ZFPM2: variants seen among roughly 807,000 people sequenced by gnomAD.
ZFPM2 encodes the protein zinc finger protein, FOG family member 2, also known as zinc finger protein ZFPM2.
ZFPM2 carries 20 observed loss-of-function variants against 98.6 expected under a neutral mutation model. The observed-to-expected ratio is 0.20, with a 90% CI of 0.14 to 0.29. The LOEUF is 0.29. Among genes scored for constraint, ZFPM2 ranks in the 10% least tolerant of loss-of-function variants. The pLI is 1.00. For synonymous variants in ZFPM2, 518 were observed against 502.7 expected (o/e 1.03, Z -0.41); for missense variants, 1,310 against 1,388.6 (o/e 0.94, Z 0.90).
intron 5 of ZFPM2, among the ~76,000 whole-genome samples, chr8:105,674,516 G>T (rs1446157307): frequency 6.6e-6 from 1 of 152,156 alleles, no homozygotes; most frequent in Non-Finnish European, 1.5e-5. Context: ...ATCACAATGG[G>T]TTGGTTTGCA....
chr8:105,408,658 A>G (rs1811515650), intron 1 of ZFPM2, among the ~76,000 whole-genome samples: 1 of 151,902 alleles, frequency 6.6e-6, no homozygotes, highest in East Asian at 1.9e-4. Context: ...CGGGATCTAC[A>G]ACAATGCTTT....
chr8:105,793,491 C>G (rs566836441), intron 6 of ZFPM2, among the ~76,000 whole-genome samples: 20 of 152,116 alleles, frequency 1.3e-4, no homozygotes, highest in Non-Finnish European at 1.5e-4. Context: ...GTGGGTAACC[C>G]GTCCTTTCTC....
chr8:105,319,002 G>A, intron 1 of ZFPM2, 21 bp downstream of exon 1: 3 of 1,495,936 alleles, frequency 2.0e-6, no homozygotes, highest in Admixed American at 2.1e-5. Flanking sequence ...GCGCGGGGCC[G>A]GGAGTTGGTG....
At chr8:105,358,255 A>ATTT (rs71577973) in intron 1 of ZFPM2, among the ~76,000 whole-genome samples, 3 of 142,926 alleles carry the variant, frequency 2.1e-5, no homozygotes, top group Non-Finnish European at 3.1e-5. Context: ...CCCAAGATTC[A>ATTT]TTTTTTTTTT....
chr8:105,692,155 G>T (rs1174388258), intron 5 of ZFPM2, among the ~76,000 whole-genome samples: 1 of 152,134 alleles, frequency 6.6e-6, no homozygotes, highest in Non-Finnish European at 1.5e-5. Context: ...TTTGGACCTG[G>T]TTTATAAGGT....
chr8:105,681,616 A>C (rs531316178), intron 5 of ZFPM2, among the ~76,000 whole-genome samples: 1 of 152,308 alleles, frequency 6.6e-6, no homozygotes, highest in East Asian at 1.9e-4. Context: ...TAGGAAGAGT[A>C]ATAACTACCT....
At chr8:105,692,964 G>A (rs1417461391) in intron 5 of ZFPM2, among the ~76,000 whole-genome samples, 4 of 152,168 alleles carry the variant, frequency 2.6e-5, no homozygotes, top group Admixed American at 2.6e-4. Context: ...AGAAAGTATG[G>A]GAGTGTGCAG....
chr8:105,337,913 CTT>C (rs1452040074), intron 1 of ZFPM2, among the ~76,000 whole-genome samples: 8 of 151,578 alleles, frequency 5.3e-5, no homozygotes, highest in Non-Finnish European at 1.0e-4. Flanking sequence ...TGTAAATGTT[CTT>C]CAGTTATAAG....
chr8:105,483,797 G>A (rs1447156595), intron 3 of ZFPM2, among the ~76,000 whole-genome samples: 1 of 148,534 alleles, frequency 6.7e-6, no homozygotes. Flanking sequence ...CCAGTGGCGC[G>A]ATCTTGGCTC....
chr8:105,522,495 G>A (rs1814084960), intron 3 of ZFPM2, among the ~76,000 whole-genome samples: 1 of 152,132 alleles, frequency 6.6e-6, no homozygotes, highest in Non-Finnish European at 1.5e-5. Flanking sequence ...TTTATGGCTG[G>A]GCGCGGTGGC....
intron 5 of ZFPM2, among the ~76,000 whole-genome samples, chr8:105,650,088 G>A (rs7824998): frequency 1.3e-4 from 19 of 151,822 alleles, no homozygotes; most frequent in African/African-American, 3.6e-4. Context: ...CAACTTCTCC[G>A]AAGACTAAAG....
chr8:105,396,911 T>C (rs1373162959), intron 1 of ZFPM2, among the ~76,000 whole-genome samples: 1 of 152,222 alleles, frequency 6.6e-6, no homozygotes, highest in Non-Finnish European at 1.5e-5. Context: ...ATGCGACTTT[T>C]ATATATTGCC....
rs1259752590 is a variant in ZFPM2 at position 105,318,487 on chromosome 8, C to A, written c.-455C>A. 8.7e-5 allele frequency among the ~76,000 whole-genome samples: 13 copies of A among 149,848 alleles called. No homozygotes were observed. Among genetic ancestry groups the A allele is most frequent in the Non-Finnish European group, 1.2e-4 (8 of 67,180 alleles). On this transcript the variant is annotated 5_prime_UTR_variant, in exon 1 of 8. Transcript: ENST00000407775. ...GCGGCGGCGGCGGCGCCGGAGTATCCGTCCCGCACGCCGGGGCGAGGGGCG... is the reference window on the plus strand; with the variant it reads ...GCGGCGGCGGCGGCGCCGGAGTATCAGTCCCGCACGCCGGGGCGAGGGGCG...
intron 3 of ZFPM2, among the ~76,000 whole-genome samples, chr8:105,470,710 G>C (rs774706174): frequency 5.9e-5 from 9 of 151,942 alleles, no homozygotes; most frequent in Non-Finnish European, 8.8e-5. Flanking sequence ...TGCAGGAGGT[G>C]GAGGTTGCAG....
chr8:105,339,015 C>T (rs1454378845), intron 1 of ZFPM2, among the ~76,000 whole-genome samples: 2 of 151,730 alleles, frequency 1.3e-5, no homozygotes, highest in East Asian at 3.9e-4. Flanking sequence ...GAACCTCAGG[C>T]TTTCTAAGTG....
intron 5 of ZFPM2, among the ~76,000 whole-genome samples, chr8:105,653,462 A>G (rs527775848): frequency 2.3e-4 from 35 of 152,338 alleles, no homozygotes; most frequent in Admixed American, 2.1e-3. Context: ...CCTTTTAAAA[A>G]TTTGACTAAT....
intron 4 of ZFPM2, among the ~76,000 whole-genome samples, chr8:105,585,563 A>G (rs888580017): frequency 7.2e-5 from 11 of 152,352 alleles, no homozygotes; most frequent in African/African-American, 2.2e-4. Flanking sequence ...GCCAGACACA[A>G]TGTAAGATGT....
chr8:105,467,939 T>C (rs1051508932), intron 3 of ZFPM2, among the ~76,000 whole-genome samples: 15 of 152,038 alleles, frequency 9.9e-5, no homozygotes, highest in African/African-American at 3.4e-4. Context: ...CCTCAAGAGT[T>C]TCAAACTTTT....
intron 1 of ZFPM2, among the ~76,000 whole-genome samples, chr8:105,336,051 G>A (rs1812319934): frequency 6.6e-6 from 1 of 151,708 alleles, no homozygotes. Flanking sequence ...ATGGATGTAC[G>A]GCACAAAGTC....
Sources: allele counts gnomAD v4.1 joint callset (sites outside exome capture counted in the v4.1 genomes callset), GRCh38; gene constraint gnomAD v4.1.1; transcripts MANE v1.5; gene names NCBI Gene and HGNC (gene_info 2026-07-23, HGNC 2026-07-21).